Variants in KALRN observed in about 807,000 individuals in gnomAD.
KALRN encodes kalirin RhoGEF kinase.
A neutral mutation model predicts 353.7 loss-of-function variants in KALRN; 70 were observed. The observed-to-expected ratio is 0.20, with a 90% CI of 0.16 to 0.24. The LOEUF (loss-of-function observed/expected upper bound fraction) is 0.24, where lower values mean the gene tolerates loss of function less well. KALRN is among the 10% of genes least tolerant of loss of function. The pLI is 1.00. For missense variants in KALRN, 2,791 were observed against 3,756.7 expected (o/e 0.74, Z 6.72); for synonymous variants, 1,391 against 1,434.8 (o/e 0.97, Z 0.69).
intron 5 of KALRN, among the ~76,000 whole-genome samples, chr3:124,278,831 T>C (rs992925490): frequency 5.3e-5 from 8 of 152,120 alleles, no homozygotes; most frequent in Non-Finnish European, 1.5e-5. Flanking sequence ...CCTGGGGTGA[T>C]GAATTTGTCA....
intron 25 of KALRN, among the ~76,000 whole-genome samples, chr3:124,471,008 A>T (rs1354094826): frequency 6.6e-6 from 1 of 152,202 alleles, no homozygotes; most frequent in Non-Finnish European, 1.5e-5. Context: ...GATATGGTTT[A>T]GGAGAAAGTA....
chr3:124,619,790 T>C (rs1052768071), intron 34 of KALRN, among the ~76,000 whole-genome samples: 1 of 151,972 alleles, frequency 6.6e-6, no homozygotes, highest in Admixed American at 6.6e-5. Context: ...CCCAGCCTGA[T>C]TATTCTATTT....
chr3:124,130,128 T>A (rs1005740306), intron 1 of KALRN, among the ~76,000 whole-genome samples: 4 of 152,200 alleles, frequency 2.6e-5, no homozygotes, highest in Admixed American at 2.0e-4. Context: ...TGACCAGAAC[T>A]TATTGACCTA....
intron 33 of KALRN, among the ~76,000 whole-genome samples, chr3:124,510,096 C>T (rs1032970838): frequency 2.0e-5 from 3 of 152,156 alleles, no homozygotes; most frequent in South Asian, 2.1e-4. Context: ...GCTTGTATTT[C>T]GCACTACACC....
At chr3:124,437,822 C>T (rs2093532982) in intron 17 of KALRN, among the ~76,000 whole-genome samples, 1 of 151,632 alleles carries the variant, frequency 6.6e-6, no homozygotes, top group Non-Finnish European at 1.5e-5. Context: ...GAAGGAAATC[C>T]AATCATTCCC....
At chr3:124,222,003 C>T (rs1579592717) in intron 1 of KALRN, among the ~76,000 whole-genome samples, 1 of 152,120 alleles carries the variant, frequency 6.6e-6, no homozygotes, top group South Asian at 2.1e-4. Flanking sequence ...GTGTTCAGGG[C>T]TTTGTACCTG....
intron 1 of KALRN, among the ~76,000 whole-genome samples, chr3:124,105,290 G>A (rs934356511): frequency 1.3e-5 from 2 of 152,126 alleles, no homozygotes; most frequent in African/African-American, 2.4e-5. Context: ...GTTGGTAAAG[G>A]GATTTAGAAA....
At chr3:124,718,600 G>A (rs781019056) in intron 59 of KALRN, among the ~76,000 whole-genome samples, 31 of 152,232 alleles carry the variant, frequency 2.0e-4, no homozygotes, top group Admixed American at 2.6e-4. Context: ...TCTCTTCCAT[G>A]CTTCTCAAAA....
chr3:124,290,947 A>G (rs1161906532), intron 5 of KALRN, among the ~76,000 whole-genome samples: 1 of 152,218 alleles, frequency 6.6e-6, no homozygotes, highest in East Asian at 1.9e-4. Context: ...TGTTGTAGGT[A>G]TAGTTTGGCT....
At chr3:124,196,046 G>A (rs1379277983) in intron 1 of KALRN, among the ~76,000 whole-genome samples, 2 of 152,132 alleles carry the variant, frequency 1.3e-5, no homozygotes, top group East Asian at 3.9e-4. Flanking sequence ...AAGGATTAGG[G>A]TGTTTTCCGT....
chr3:124,440,084 A>G (rs1015404443), intron 18 of KALRN, among the ~76,000 whole-genome samples: 5 of 151,440 alleles, frequency 3.3e-5, no homozygotes, highest in Non-Finnish European at 5.9e-5. Context: ...CCCTCCTCCT[A>G]TCTATCTGGT....
chr3:124,288,867 G>A (rs1428930779), intron 5 of KALRN, among the ~76,000 whole-genome samples: 1 of 152,174 alleles, frequency 6.6e-6, no homozygotes, highest in African/African-American at 2.4e-5. Context: ...ACGCGAAGAT[G>A]TGGGAAGGCA....
intron 57 of KALRN, among the ~76,000 whole-genome samples, chr3:124,702,890 G>GA (rs761971262): frequency 1.3e-5 from 2 of 152,008 alleles, no homozygotes; most frequent in Non-Finnish European, 2.9e-5. Flanking sequence ...ACTTTTAACA[G>GA]AAAAATTAAA....
chr3:124,363,440 A>G (rs2084288742), intron 10 of KALRN, among the ~76,000 whole-genome samples: 1 of 152,230 alleles, frequency 6.6e-6, no homozygotes, highest in African/African-American at 2.4e-5. Context: ...CTCAGTTTCT[A>G]TGTCTACAAA....
At chr3:124,052,344 T>G (rs569161071) in intron 1 of KALRN, among the ~76,000 whole-genome samples, 2 of 152,300 alleles carry the variant, frequency 1.3e-5, no homozygotes, top group South Asian at 4.1e-4. Flanking sequence ...AAGCCTACAC[T>G]TCCTCAGCCT....
chr3:124,698,169 A>G (rs147681802), intron 55 of KALRN, among the ~76,000 whole-genome samples: 5 of 152,246 alleles, frequency 3.3e-5, no homozygotes, highest in African/African-American at 1.2e-4. Context: ...GGGTCTCACT[A>G]TGCTGCCCAG....
intron 33 of KALRN, among the ~76,000 whole-genome samples, chr3:124,501,499 C>T (rs2064532411): frequency 6.6e-6 from 1 of 152,142 alleles, no homozygotes; most frequent in South Asian, 2.1e-4. Context: ...TGGTAAGGGT[C>T]CAACTAAGGG....
Position 124,434,351 on chromosome 3 carries a change from C to T in KALRN, c.2874C>T (p.Ala958=), listed in dbSNP as rs2093390130. The part of the protein sequence containing the change: ...ATSLQKTHQS[A]LQVQQKAEVL... The stretch of plus-strand genomic sequence containing the variant: ...CCTTGCAGAAGACGCACCAGAGTGC[C>T]CTGCAGGTACAGCAGAAAGCCGAGG... Residue 958 remains alanine (A), a synonymous_variant, in exon 17 of 60, where the codon GCC becomes GCT. Coordinates refer to ENST00000682506, the MANE Select transcript of KALRN (RefSeq NM_001388419.1). 2 of 1,613,446 alleles carry T rather than the reference C, an allele frequency of 1.2e-6. No individual in the cohort carries two copies. The highest frequency in any genetic ancestry group is 1.3e-5 in the African/African-American group (1 of 74,904).
At chr3:124,293,425 T>A (rs1444304476) in intron 5 of KALRN, among the ~76,000 whole-genome samples, 1 of 152,190 alleles carries the variant, frequency 6.6e-6, no homozygotes, top group Non-Finnish European at 1.5e-5. Context: ...AATTTATGCT[T>A]CTTAAAAAAA....
Sources: allele counts gnomAD v4.1 joint callset (sites outside exome capture counted in the v4.1 genomes callset), GRCh38; gene constraint gnomAD v4.1.1; transcripts MANE v1.5; gene names NCBI Gene and HGNC (gene_info 2026-07-23, HGNC 2026-07-21).